Variants in APP observed in about 807,000 individuals in gnomAD.
APP encodes amyloid-beta precursor protein.
APP carries 31 observed loss-of-function variants against 101.4 expected under a neutral mutation model. The observed-to-expected ratio is 0.31, with a 90% confidence interval of 0.23 to 0.41. APP has a LOEUF of 0.41. APP is among the 10% of genes least tolerant of loss of function. The pLI is 1.00. For missense variants in APP, 839 were observed against 1,003.7 expected, an observed-to-expected ratio of 0.84 and a Z score of 2.22; for synonymous variants, 366 against 364.4, an observed-to-expected ratio of 1.00 and a Z score of -0.05.
At chr21:25,994,262 G>A (rs937279050) in intron 8 of APP, among the ~76,000 whole-genome samples, 2 of 151,888 alleles carry the variant, frequency 1.3e-5, no homozygotes, top group Non-Finnish European at 2.9e-5. Flanking sequence ...AACCCAAATG[G>A]GCAGGTGCAA....
intron 1 of APP, chr21:26,140,317 T>C (rs1314398337): frequency 5.2e-6 from 8 of 1,529,476 alleles, no homozygotes; most frequent in Non-Finnish European, 7.0e-6. Context: ...AGAGCTTCCA[T>C]CCTCGGGAGG....
intron 1 of APP, among the ~76,000 whole-genome samples, chr21:26,133,587 C>A (rs1259831982): frequency 1.3e-5 from 2 of 152,094 alleles, no homozygotes; most frequent in Non-Finnish European, 2.9e-5. Context: ...GAGTTGAAGA[C>A]CAGCCTGGCC....
At chr21:26,020,237 C>A (rs998811193) in intron 6 of APP, among the ~76,000 whole-genome samples, 6 of 152,092 alleles carry the variant, frequency 3.9e-5, no homozygotes, top group Non-Finnish European at 7.4e-5. Flanking sequence ...AAGGGCAAAT[C>A]TATAGAGACA....
At chr21:25,927,872 G>C (rs1248821409) in intron 13 of APP, among the ~76,000 whole-genome samples, 2 of 152,124 alleles carry the variant, frequency 1.3e-5, no homozygotes, top group Non-Finnish European at 2.9e-5. Context: ...CCTACCAGTG[G>C]CATCAGTCAG....
rs374598834 is a variant in APP, at chr21:25,991,259, C to T, written c.1090+6101G>A. 2.7e-5 allele frequency among the ~76,000 whole-genome samples: 4 copies of T among 146,102 alleles called. No homozygotes were observed. The East Asian group carries it at 6.2e-4, about 22-fold the overall frequency. On this transcript the variant is annotated intron_variant, in intron 8 of 17. Coordinates refer to ENST00000346798, the MANE Select transcript of APP (RefSeq NM_000484.4). The stretch of plus-strand genomic sequence containing the variant: ...GGGGACACTAAACTCTCAGACATCA[C>T]CACTATACACTTCATCCCCGTAACT...
intron 3 of APP, among the ~76,000 whole-genome samples, chr21:26,064,442 G>A (rs1422328765): frequency 1.3e-5 from 2 of 152,158 alleles, no homozygotes; most frequent in African/African-American, 4.8e-5. Context: ...TTAATGGCTT[G>A]ATATAAAAGT....
upstream of APP, chr21:26,170,803 A>C (rs1363146136): frequency 2.5e-5 from 15 of 601,000 alleles, no homozygotes; most frequent in Non-Finnish European, 4.0e-5. Flanking sequence ...GCTCAGAGCC[A>C]GGCGAGTCAG....
intron 1 of APP, among the ~76,000 whole-genome samples, chr21:26,122,637 G>A (rs1365760003): frequency 2.0e-5 from 3 of 152,044 alleles, no homozygotes; most frequent in African/African-American, 7.2e-5. Context: ...ACAAGCCCAT[G>A]AGCTTGTGAT....
At chr21:26,054,991 A>G (rs1469040728) in intron 3 of APP, among the ~76,000 whole-genome samples, 2 of 152,202 alleles carry the variant, frequency 1.3e-5, no homozygotes, top group Non-Finnish European at 2.9e-5. Context: ...ATACTGAAGT[A>G]CTTATTTCAA....
chr21:26,066,903 C>T (rs1195098161), intron 3 of APP, among the ~76,000 whole-genome samples: 2 of 152,018 alleles, frequency 1.3e-5, no homozygotes, highest in Admixed American at 1.3e-4. Flanking sequence ...GCCTCCTGGC[C>T]AGAGAGGTGC....
intron 13 of APP, 85 bp from the exon 14 acceptor site, chr21:25,912,047 G>C (rs1279929930): frequency 9.5e-7 from 1 of 1,052,280 alleles, no homozygotes; most frequent in African/African-American, 1.6e-5. Context: ...CTTCTGCCAG[G>C]CAAGACTTCA....
chr21:25,975,435 T>C (rs2042189991), intron 10 of APP, among the ~76,000 whole-genome samples: 1 of 152,150 alleles, frequency 6.6e-6, no homozygotes, highest in African/African-American at 2.4e-5. Context: ...TCAAACCTAC[T>C]TTCTCATTGA....
chr21:25,959,539 G>T lies in APP; in HGVS notation c.1459-3784C>A, dbSNP rs531863976. The stretch of plus-strand genomic sequence containing the variant: ...GCCTGACTTTCTAGTTTTTACAAGT[G>T]CAGGTAATATTCTGTGGGCCATGCT... On this transcript the variant is annotated intron_variant, in intron 11 of 17. Coordinates refer to ENST00000346798, the MANE Select transcript of APP (RefSeq NM_000484.4). Among the ~76,000 whole-genome samples, 5 of 152,336 alleles carry T rather than the reference G, an allele frequency of 3.3e-5. No individual in the cohort carries two copies. The South Asian group carries it at 1.0e-3, about 32-fold the overall frequency.
At chr21:26,032,541 T>G (rs575361558) in intron 5 of APP, among the ~76,000 whole-genome samples, 25 of 152,262 alleles carry the variant, frequency 1.6e-4, no homozygotes, top group African/African-American at 4.6e-4. Context: ...GTGACTTGGT[T>G]TCCTCATCTT....
chr21:26,111,744 TG>T (rs1465893381), intron 2 of APP, among the ~76,000 whole-genome samples: 12 of 152,046 alleles, frequency 7.9e-5, no homozygotes, highest in Admixed American at 7.2e-4. Context: ...AAAAGTGCTG[TG>T]ACATCTTAAA....
At chr21:25,914,511 A>G (rs1416047981) in intron 13 of APP, among the ~76,000 whole-genome samples, 2 of 141,784 alleles carry the variant, frequency 1.4e-5, no homozygotes, top group Non-Finnish European at 1.5e-5. Context: ...ATGTGAGAAC[A>G]GTTTTTGCTG....
chr21:25,881,840 G>A, intron 17 of APP, 69 bp from the exon 18 acceptor site: 1 of 1,472,458 alleles, frequency 6.8e-7, no homozygotes, highest in Non-Finnish European at 9.4e-7. Context: ...TGGAGAAGCA[G>A]TAAAAAGATA....
At chr21:25,987,782 G>A (rs1279684794) in intron 8 of APP, among the ~76,000 whole-genome samples, 2 of 152,150 alleles carry the variant, frequency 1.3e-5, no homozygotes, top group Admixed American at 6.5e-5. Context: ...CCTTTAGTGC[G>A]CCTGTTCATT....
At chr21:26,145,734 T>C (rs1251217125) in intron 1 of APP, among the ~76,000 whole-genome samples, 1 of 152,238 alleles carries the variant, frequency 6.6e-6, no homozygotes, top group Non-Finnish European at 1.5e-5. Flanking sequence ...TTCACTTGAA[T>C]CTGCTACTGA....
Sources: allele counts gnomAD v4.1 joint callset (sites outside exome capture counted in the v4.1 genomes callset), GRCh38; gene constraint gnomAD v4.1.1; transcripts MANE v1.5; gene names NCBI Gene and HGNC (gene_info 2026-07-23, HGNC 2026-07-21).